Variants in ZNF630 observed in about 807,000 individuals in gnomAD.
ZNF630 encodes the protein zinc finger protein 630.
ZNF630 carries 5 observed loss-of-function variants against 7.2 expected under a neutral mutation model. The ratio of observed to expected loss-of-function variants is 0.70; its 90% confidence interval spans 0.36 to 1.46. The LOEUF is 1.46. Ranked by LOEUF, ZNF630 falls within the 40% of genes most tolerant of loss-of-function variation. The pLI is 0.03. For missense variants in ZNF630, 461 were observed against 477.0 expected (o/e 0.97, Z 0.31); for synonymous variants, 158 against 162.8 (o/e 0.97, Z 0.23).
rs1556908303 is a variant in ZNF630 at position 48,058,767 on chromosome X, T to C, written c.1675A>G (p.Ile559Val). Residue 559 changes from isoleucine to valine, a missense_variant, in exon 5 of 5, where the codon ATT (isoleucine) becomes GTT (valine). Ile to Val is a conservative substitution (Grantham distance 29). Transcript: ENST00000276054. The stretch of plus-strand genomic sequence containing the variant: ...CCAGTATGACCTCTCTGATGTAGAA[T>C]GAGATGTGACTTCAGGGAAAAGGCC... ...GRAFSLKSHL[I>V]LHQRGHTGEK... 8.3e-7 allele frequency: 1 copy of C among 1,206,829 alleles called. No homozygotes were observed.
chrX:48,060,811 G>T lies in ZNF630; in HGVS notation c.142+8C>A. On this transcript the variant is annotated splice_region_variant and intron_variant, in intron 3 of 4. Transcript: ENST00000276054. The stretch of plus-strand genomic sequence containing the variant: ...TGATTCATTGGTACACAGGGAATCT[G>T]CCCTTACCCACGGAGACCAGGTGAT... 8.4e-7 allele frequency: 1 copy of T among 1,190,407 alleles called. No homozygotes were observed.
chrX:48,068,608 G>GA (rs1362663312), intron 1 of ZNF630, among the ~76,000 whole-genome samples: 1 of 110,664 alleles, frequency 9.0e-6, no homozygotes, highest in Non-Finnish European at 1.9e-5. Flanking sequence ...TAAAAAGTGT[G>GA]AAAAAACCAT....
intron 1 of ZNF630, among the ~76,000 whole-genome samples, chrX:48,069,740 C>T (rs1052322290): frequency 1.9e-4 from 21 of 110,647 alleles, no homozygotes; most frequent in Admixed American, 2.9e-4. Context: ...GTAAAGAACT[C>T]CTCCCAAGCT....
chrX:48,060,813 C>T lies in ZNF630; in HGVS notation c.142+6G>A. On this transcript the variant is annotated splice_donor_region_variant and intron_variant, in intron 3 of 4. Coordinates refer to ENST00000276054, the MANE Select transcript of ZNF630 (RefSeq NM_001282201.2). ...ATTCATTGGTACACAGGGAATCTGC[C>T]CTTACCCACGGAGACCAGGTGATTA... 2 of 1,191,370 alleles carry T rather than the reference C, an allele frequency of 1.7e-6. No homozygotes were observed. The highest frequency in any genetic ancestry group is 2.3e-6 in the Non-Finnish European group (2 of 883,135).
chrX:48,059,652 C>T lies in ZNF630; in HGVS notation c.790G>A (p.Val264Ile), dbSNP rs782614197. ...KKFQAREKPNVCSMCGKAFIK... is the reference protein window; with the variant it reads ...KKFQAREKPNICSMCGKAFIK... ...AAGGCTTTCCCACACATACTACAAA[C>T]ATTGGGTTTCTCTCTGGCTTGAAAT... Residue 264 changes from valine to isoleucine, a missense_variant, in exon 5 of 5, where the codon GTT (valine) becomes ATT (isoleucine). Transcript: ENST00000276054. The T allele has an allele frequency of 4.1e-6, 5 of 1,208,600 alleles. No homozygotes were observed. The highest frequency in any genetic ancestry group is 3.0e-5 in the East Asian group (1 of 33,775).
intron 2 of ZNF630, 57 bp from the exon 3 acceptor site, chrX:48,061,002 T>C: frequency 9.2e-7 from 1 of 1,087,297 alleles, no homozygotes; most frequent in Admixed American, 2.4e-5. Context: ...ACCATAGCAG[T>C]ACATGTAGGA....
chrX:48,058,254 G>T lies in ZNF630; in HGVS notation c.*214C>A. On this transcript the variant is annotated 3_prime_UTR_variant, in exon 5 of 5. Coordinates refer to ENST00000276054, the MANE Select transcript of ZNF630 (RefSeq NM_001282201.2). The stretch of plus-strand genomic sequence containing the variant: ...CAGATACATTTATTCTGTGAAGAGG[G>T]CTGAGACAGTTTGAGGGTGAGCAAA... The T allele has an allele frequency of 2.9e-6, 1 of 343,784 alleles. No homozygotes were observed. The highest frequency in any genetic ancestry group is 4.9e-6 in the Non-Finnish European group (1 of 202,114). 28.3% of individuals were successfully genotyped at this position (343,784 alleles called of 1,213,427 possible).
rs2059134041 is a variant in ZNF630 at position 48,066,988 on chromosome X, A to G, written c.-102T>C. ...CACTCTTCAACAGCTGGATGTGACA[A>G]TGTGTTGCTTGTTAATTCATTGATG... On this transcript the variant is annotated 5_prime_UTR_variant, in exon 2 of 5. Transcript: ENST00000276054. 4.4e-6 allele frequency: 4 copies of G among 912,788 alleles called. No individual in the cohort carries two copies. The South Asian group carries it at 9.1e-5, about 21-fold the overall frequency. The allele number at this position is 912,788 out of a possible 1,213,427, so 75.2% of individuals were successfully genotyped here. A position where few individuals can be genotyped will look rare whatever the true frequency, so the allele number is the denominator to read the frequency against.
chrX:48,069,037 C>T (rs782695973), intron 1 of ZNF630, among the ~76,000 whole-genome samples: 5 of 110,277 alleles, frequency 4.5e-5, no homozygotes, highest in Non-Finnish European at 9.5e-5. Flanking sequence ...TCCAGGAGTT[C>T]GAGGCCAGCC....
rs1191311800 is a variant in ZNF630 at position 48,058,660 on chromosome X, A to C, written c.1782T>G (p.Pro594=). 1 of 1,205,709 alleles carries C rather than the reference A, an allele frequency of 8.3e-7. No homozygotes were observed. The highest frequency in any genetic ancestry group is 1.1e-6 in the Non-Finnish European group (1 of 892,423). Residue 594 remains proline, a synonymous_variant, in exon 5 of 5, where the codon CCT becomes CCG. Coordinates refer to ENST00000276054, the MANE Select transcript of ZNF630 (RefSeq NM_001282201.2). ...CAGCACATTCAGGGGTTTTCTCCCT[A>C]GGATGAGTTTTCTGATGTATAATGA... ...SPLIIHQKTH[P]REKTPECAES...
Position 48,060,957 on chromosome X carries a change from C to T in ZNF630, c.16-12G>A, listed in dbSNP as rs200720320. ...AATGTCACTGGTTCCTATAACAGCACATTCCTGTACAATCTGCTCGTTCTG... is the reference window on the plus strand; with the variant it reads ...AATGTCACTGGTTCCTATAACAGCATATTCCTGTACAATCTGCTCGTTCTG... On this transcript the variant is annotated splice_polypyrimidine_tract_variant and intron_variant, in intron 2 of 4. Coordinates refer to ENST00000276054, the MANE Select transcript of ZNF630 (RefSeq NM_001282201.2). The T allele has an allele frequency of 9.9e-4, 1,160 of 1,177,176 alleles. 9 individuals are homozygous for T. In the South Asian group the frequency reaches 0.022, roughly 22 times the overall value.
chrX:48,058,661 G>T lies in ZNF630; in HGVS notation c.1781C>A (p.Pro594His). The change falls in exon 5 of 5, where the codon CCT becomes CAT. Residue 594 changes from proline to histidine, a missense_variant. Transcript: ENST00000276054. ...SPLIIHQKTH[P>H]REKTPECAES... The stretch of plus-strand genomic sequence containing the variant: ...AGCACATTCAGGGGTTTTCTCCCTA[G>T]GATGAGTTTTCTGATGTATAATGAG... 8.3e-7 allele frequency: 1 copy of T among 1,206,961 alleles called. No individual in the cohort carries two copies. The highest frequency in any genetic ancestry group is 1.1e-6 in the Non-Finnish European group (1 of 892,550).
At chrX:48,065,110 G>A (rs1316847509) in intron 2 of ZNF630, among the ~76,000 whole-genome samples, 3 of 112,090 alleles carry the variant, frequency 2.7e-5, no homozygotes, top group Non-Finnish European at 5.6e-5. Context: ...CTGAATGGTA[G>A]TATATCTTTT....
chrX:48,068,296 G>C (rs1556910482), intron 1 of ZNF630, among the ~76,000 whole-genome samples: 1 of 96,693 alleles, frequency 1.0e-5, no homozygotes, highest in African/African-American at 4.0e-5. Context: ...AGGAAGGAAG[G>C]AAGAAAGGGA....
At chrX:48,061,644 G>T in intron 2 of ZNF630, 1 of 205,757 alleles carries the variant, frequency 4.9e-6, no homozygotes, top group Non-Finnish European at 9.4e-6. Flanking sequence ...TCAAGTGAAG[G>T]AGGTGATTGA....
intron 2 of ZNF630, chrX:48,066,584 T>C (rs782478330): frequency 1.7e-4 from 55 of 321,528 alleles, no homozygotes; most frequent in Non-Finnish European, 2.9e-4. Context: ...GTCCCAGAAA[T>C]CTTGACTTGC....
intron 2 of ZNF630, 114 bp from the exon 3 acceptor site, chrX:48,061,059 T>A: frequency 1.6e-6 from 1 of 636,620 alleles, no homozygotes. Context: ...AGAAACAATG[T>A]AAAACCCTGC....
intron 1 of ZNF630, 105 bp from the exon 2 acceptor site, chrX:48,067,166 C>T: frequency 3.2e-6 from 1 of 310,469 alleles, no homozygotes; most frequent in East Asian, 5.0e-5. Context: ...ATGCCCAGCA[C>T]TAAAGACTGC....
Position 48,059,354 on chromosome X carries a change from A to G in ZNF630, c.1088T>C (p.Ile363Thr). The change falls in exon 5 of 5, where the codon ATT becomes ACT. Residue 363 changes from isoleucine to threonine, a missense_variant. By Grantham distance (89) the Ile-to-Thr change is moderately conservative. Coordinates refer to ENST00000276054, the MANE Select transcript of ZNF630 (RefSeq NM_001282201.2). Reference sequence around the variant, plus strand: ...TCTGGTATGAACTCTCTGATGTATAATTAGATGTGACTTCTGGGAGAAAGC... The same window carrying G: ...TCTGGTATGAACTCTCTGATGTATAGTTAGATGTGACTTCTGGGAGAAAGC... The part of the protein sequence containing the change: ...PKAFSQKSHL[I>T]IHQRVHTREK... The G allele has an allele frequency of 8.3e-7, 1 of 1,208,144 alleles. No homozygotes were observed. Among genetic ancestry groups the G allele is most frequent in the Non-Finnish European group, 1.1e-6 (1 of 893,246 alleles).
Sources: gnomAD v4.1 joint callset for allele counts (sites outside exome capture counted in the v4.1 genomes callset) on GRCh38, gnomAD v4.1.1 for gene constraint, MANE v1.5 for transcripts, NCBI Gene and HGNC (gene_info 2026-07-23, HGNC 2026-07-21) for gene names.